The following BAALC variants were observed in gnomAD, a reference collection of about 807,000 sequenced individuals.
BAALC encodes the protein BAALC binder of MAP3K1 and KLF4.
BAALC carries 9 observed loss-of-function variants against 15.5 expected under a neutral mutation model. That is an observed-to-expected ratio of 0.58 (90% CI 0.35 to 1.02). The LOEUF is 1.02. BAALC is among the 50% of genes least tolerant of loss of function. The pLI is 0.02. For missense variants in BAALC, 201 were observed against 192.4 expected, an observed-to-expected ratio of 1.04 and a Z score of -0.27; for synonymous variants, 80 against 74.6, an observed-to-expected ratio of 1.07 and a Z score of -0.37.
chr8:103,223,007 A>G (rs1812714556), intron 2 of BAALC, among the ~76,000 whole-genome samples: 1 of 152,130 alleles, frequency 6.6e-6, no homozygotes, highest in Non-Finnish European at 1.5e-5. Flanking sequence ...TGGGACTTTT[A>G]GTTTTAAAAC....
At chr8:103,224,157 T>C (rs28380211) in intron 2 of BAALC, among the ~76,000 whole-genome samples, 2,777 of 152,012 alleles carry the variant, frequency 0.018, 58 homozygotes, top group African/African-American at 0.053. Context: ...CATGGGGCAG[T>C]CCAATGTGAA....
At chr8:103,183,543 A>G (rs1811771930) in intron 1 of BAALC, 2 of 680,032 alleles carry the variant, frequency 2.9e-6, no homozygotes, top group South Asian at 1.6e-5. Flanking sequence ...CAGGTAATCT[A>G]TAGCTTGGGA....
At position 103,228,861 on chromosome 8, in the gene BAALC, G is replaced by C. The variant is rs1360427050; in HGVS notation, c.*762G>C. 1 of 152,218 alleles carries C rather than the reference G, an allele frequency of 6.6e-6. No individual in the cohort carries two copies. The highest frequency in any genetic ancestry group is 1.5e-5 in the Non-Finnish European group (1 of 68,064). The allele number at this position is 152,218 out of a possible 1,614,324, so 9.4% of individuals were successfully genotyped here. A position where few individuals can be genotyped will look rare whatever the true frequency, so the allele number is the denominator to read the frequency against. The stretch of plus-strand genomic sequence containing the variant: ...CATCCAAATAAGGATACCCCTCAGG[G>C]CTCAGCTAGACATTGCAATTTTGCA... On this transcript the variant is annotated 3_prime_UTR_variant, in exon 3 of 3. Transcript: ENST00000309982.
At chr8:103,168,339 T>G (rs1811394164) in intron 1 of BAALC, among the ~76,000 whole-genome samples, 1 of 152,064 alleles carries the variant, frequency 6.6e-6, no homozygotes, top group African/African-American at 2.4e-5. Context: ...AAAGGTGAGG[T>G]TTTCACTCTT....
At chr8:103,179,530 G>GC (rs1811680917) in intron 1 of BAALC, among the ~76,000 whole-genome samples, 1 of 152,248 alleles carries the variant, frequency 6.6e-6, no homozygotes, top group Admixed American at 6.5e-5. Flanking sequence ...AGGATCCTTA[G>GC]AGATTTTCTA....
At position 103,171,070 on chromosome 8, in the gene BAALC, T is replaced by C. The variant is rs146632940; in HGVS notation, c.160+30013T>C. Among the ~76,000 whole-genome samples the C allele has an allele frequency of 8.1e-3, 1,209 of 148,436 alleles. 23 individuals are homozygous for C. The highest frequency in any genetic ancestry group is 0.029 in the African/African-American group (1,154 of 40,078). On this transcript the variant is annotated intron_variant, in intron 1 of 2. Coordinates refer to ENST00000309982, the MANE Select transcript of BAALC (RefSeq NM_024812.3). ...AGCTATCAAGCCAAACAGAGCCAGC[T>C]GAACACTGAGAAATCTAATCAGAAG...
At chr8:103,176,525 G>A (rs1387157723) in intron 1 of BAALC, among the ~76,000 whole-genome samples, 1 of 152,006 alleles carries the variant, frequency 6.6e-6, no homozygotes, top group Admixed American at 6.6e-5. Context: ...CCTGAAGAAG[G>A]GACAGAAACA....
intron 1 of BAALC, among the ~76,000 whole-genome samples, chr8:103,203,875 A>G (rs1262544022): frequency 6.6e-6 from 1 of 152,226 alleles, no homozygotes; most frequent in Non-Finnish European, 1.5e-5. Context: ...GCTTTTATAA[A>G]TAAGATTGCT....
chr8:103,220,634 A>G (rs139227728), intron 2 of BAALC, among the ~76,000 whole-genome samples: 40 of 152,378 alleles, frequency 2.6e-4, no homozygotes, highest in African/African-American at 8.7e-4. Context: ...TGCATAATTT[A>G]AACTGTGGTT....
chr8:103,227,856 A>G, intron 2 of BAALC, 133 bp from the exon 3 acceptor site: 1 of 640,414 alleles, frequency 1.6e-6, no homozygotes, highest in Non-Finnish European at 2.7e-6. Context: ...TGTTCCTGTG[A>G]TTTATGTTCC....
At chr8:103,148,734 C>T (rs574604262) in intron 1 of BAALC, among the ~76,000 whole-genome samples, 9 of 152,266 alleles carry the variant, frequency 5.9e-5, no homozygotes, top group African/African-American at 2.2e-4. Flanking sequence ...TTGTTTAAGC[C>T]ATGCGGTTTG....
chr8:103,200,759 C>A, intron 1 of BAALC: 1 of 692,164 alleles, frequency 1.4e-6, no homozygotes, highest in South Asian at 1.5e-5. Context: ...TGTGTTCTCA[C>A]ATGGTGGGTC....
At chr8:103,227,948 A>G (rs1407089934) in intron 2 of BAALC, 41 bp from the exon 3 acceptor site, 1 of 1,421,624 alleles carries the variant, frequency 7.0e-7, no homozygotes, top group Non-Finnish European at 9.9e-7. Context: ...TCTTTGGTTT[A>G]CATTTCCTAG....
chr8:103,196,898 T>C (rs1812110683), intron 1 of BAALC, among the ~76,000 whole-genome samples: 1 of 152,130 alleles, frequency 6.6e-6, no homozygotes, highest in African/African-American at 2.4e-5. Flanking sequence ...ACCCAGAGGG[T>C]TGAGCTCCTG....
chr8:103,213,370 G>A lies in BAALC; in HGVS notation c.327+285G>A. ...TGTCACCATGTTGATGGTGAGGACT[G>A]TGCTGGTTAGAGGAACCAGTCTTAG... On this transcript the variant is annotated intron_variant, in intron 2 of 2. Coordinates refer to ENST00000309982, the MANE Select transcript of BAALC (RefSeq NM_024812.3). The A allele has an allele frequency of 1.1e-5, 3 of 284,980 alleles. No homozygotes were observed. The South Asian group carries it at 2.4e-4, about 23-fold the overall frequency. 17.7% of individuals were successfully genotyped at this position (284,980 alleles called of 1,614,324 possible).
chr8:103,164,174 C>T (rs957853144), intron 1 of BAALC, among the ~76,000 whole-genome samples: 6 of 152,112 alleles, frequency 3.9e-5, no homozygotes, highest in African/African-American at 1.2e-4. Context: ...GGATAGAGTG[C>T]TCCAGGAGGG....
intron 1 of BAALC, among the ~76,000 whole-genome samples, chr8:103,198,791 G>C (rs948618172): frequency 4.6e-5 from 7 of 151,976 alleles, no homozygotes; most frequent in Admixed American, 1.3e-4. Context: ...CACATCTGTA[G>C]TTCCAGCAAC....
chr8:103,211,183 G>C lies in BAALC; in HGVS notation c.161-1736G>C, dbSNP rs542933011. On this transcript the variant is annotated intron_variant, in intron 1 of 2. Transcript: ENST00000309982. Reference sequence around the variant, plus strand: ...TCTAAGAAATCTTTATTATTTCTGTGAATATTGCTTCCCCTCAATCTTCTC... The same window carrying C: ...TCTAAGAAATCTTTATTATTTCTGTCAATATTGCTTCCCCTCAATCTTCTC... 2.0e-5 allele frequency among the ~76,000 whole-genome samples: 3 copies of C among 152,256 alleles called. No homozygotes were observed. In the East Asian group the frequency reaches 5.8e-4, roughly 29 times the overall value.
chr8:103,168,383 G>A (rs1268031596), intron 1 of BAALC, among the ~76,000 whole-genome samples: 1 of 152,136 alleles, frequency 6.6e-6, no homozygotes, highest in South Asian at 2.1e-4. Context: ...ATACATTGTA[G>A]CATAACTCGG....
Sources: allele counts gnomAD v4.1 joint callset (sites outside exome capture counted in the v4.1 genomes callset), GRCh38; gene constraint gnomAD v4.1.1; transcripts MANE v1.5; gene names NCBI Gene and HGNC (gene_info 2026-07-23, HGNC 2026-07-21).